AHDC1: variants seen among roughly 807,000 people sequenced by gnomAD.
The protein encoded by AHDC1 is AT-hook DNA binding motif containing 1, also known as transcription factor Gibbin.
AHDC1 carries 7 observed loss-of-function variants against 87.9 expected under a neutral mutation model. That is an observed-to-expected ratio of 0.08 (90% CI 0.05 to 0.15). AHDC1 has a LOEUF of 0.15. AHDC1 is among the 10% of genes least tolerant of loss of function. The probability of loss-of-function intolerance (pLI) is 1.00; values close to 1 mark genes in which losing one functional copy is unlikely to be tolerated. For synonymous variants in AHDC1, 1,051 were observed against 1,006.8 expected, an observed-to-expected ratio of 1.04 and a Z score of -0.83; for missense variants, 1,841 against 2,253.2, an observed-to-expected ratio of 0.82 and a Z score of 3.70.
Position 27,547,224 on chromosome 1 carries a change from A to G in AHDC1, c.*43+37T>C. The G allele has an allele frequency of 7.2e-7, 1 of 1,385,704 alleles. No individual in the cohort carries two copies. Among genetic ancestry groups the G allele is most frequent in the South Asian group, 1.4e-5 (1 of 70,864 alleles). The allele number at this position is 1,385,704 out of a possible 1,614,324, so 85.8% of individuals were successfully genotyped here. A position where few individuals can be genotyped will look rare whatever the true frequency, so the allele number is the denominator to read the frequency against. ...GCTCTGATGTCCTCTTCCCACCCCCAGGCCTCTGCCCACTGCGCCCACATC... is the reference window on the plus strand; with the variant it reads ...GCTCTGATGTCCTCTTCCCACCCCCGGGCCTCTGCCCACTGCGCCCACATC... On this transcript the variant is annotated intron_variant, in intron 8 of 8. Coordinates refer to ENST00000673934, the MANE Select transcript of AHDC1 (RefSeq NM_001371928.1). This position sits in a 1 kb window ranked among gnomAD's most constrained non-coding sequence, Gnocchi z 4.9.
In AHDC1 at chr1:27,598,042, CTG is replaced by C. The variant is rs570880628; in HGVS notation, c.-629+5353_-629+5354del. Among the ~76,000 whole-genome samples the C allele has an allele frequency of 5.2e-4, 79 of 152,312 alleles. No individual in the cohort carries two copies. Among genetic ancestry groups the C allele is most frequent in the African/African-American group, 1.8e-3 (74 of 41,560 alleles). ...TTTCACCACCCATCTGTCTGGCTGT[CTG>C]TGTTAGTCCTTCCAAGGGTGCCCAC... On this transcript the variant is annotated intron_variant, in intron 3 of 8. Coordinates refer to ENST00000673934, the MANE Select transcript of AHDC1 (RefSeq NM_001371928.1). The surrounding 1 kb of genome is among the most constrained non-coding windows in gnomAD (Gnocchi z 4.2).
chr1:27,549,352 G>A lies in AHDC1; in HGVS notation c.2764C>T (p.Pro922Ser). 7 of 1,612,650 alleles carry A rather than the reference G, an allele frequency of 4.3e-6. No individual in the cohort carries two copies. The highest frequency in any genetic ancestry group is 5.9e-6 in the Non-Finnish European group (7 of 1,179,444). The change falls in exon 8 of 9, where the codon CCA becomes TCA. Residue 922 changes from proline to serine, a missense_variant. Transcript: ENST00000673934. ...QPVLSARQTF[P>S]PGRAASYGLT... ...CCATAGCTTGCTGCTCGTCCTGGTGGGAAGGTCTGGCGCGCGGACAGGACA... is the reference window on the plus strand; with the variant it reads ...CCATAGCTTGCTGCTCGTCCTGGTGAGAAGGTCTGGCGCGCGGACAGGACA...
chr1:27,537,934 C>G, intron 8 of AHDC1, among the ~76,000 whole-genome samples: 1 of 152,128 alleles, frequency 6.6e-6, no homozygotes, highest in South Asian at 2.1e-4. Flanking sequence ...GGGGGCTGCT[C>G]TCCTCCAAAA....
At chr1:27,568,259 C>T (rs1288776830) in intron 3 of AHDC1, 1 of 152,196 alleles carries the variant, frequency 6.6e-6, no homozygotes, top group Non-Finnish European at 1.5e-5. Context: ...TGGTACTGCC[C>T]TTAACTACAG....
intron 3 of AHDC1, among the ~76,000 whole-genome samples, chr1:27,603,163 C>A (rs1012180293): frequency 3.4e-5 from 5 of 148,870 alleles, no homozygotes; most frequent in Admixed American, 6.6e-5. Flanking sequence ...CCCGCCCCCC[C>A]TCCCCGTCCA....
rs757910933 is a variant in AHDC1 at position 27,562,943 on chromosome 1, A to T, written c.-628-4060T>A. Among the ~76,000 whole-genome samples the T allele has an allele frequency of 5.3e-5, 8 of 152,134 alleles. No homozygotes were observed. Among genetic ancestry groups the T allele is most frequent in the Non-Finnish European group, 8.8e-5 (6 of 68,022 alleles). The stretch of plus-strand genomic sequence containing the variant: ...TGGTGACAACCCTCCTAACGGGATG[A>T]ACTAAGCACATAACCTGTCGCTTCC... On this transcript the variant is annotated intron_variant, in intron 3 of 8. Coordinates refer to ENST00000673934, the MANE Select transcript of AHDC1 (RefSeq NM_001371928.1). The surrounding 1 kb of genome is among the most constrained non-coding windows in gnomAD (Gnocchi z 4.4).
At chr1:27,571,979 C>T (rs928876221) in intron 3 of AHDC1, among the ~76,000 whole-genome samples, 15 of 152,146 alleles carry the variant, frequency 9.9e-5, no homozygotes, top group African/African-American at 3.4e-4. Flanking sequence ...CAGCCCACAC[C>T]GAAATCCCTC....
chr1:27,569,926 A>T (rs1247404237), intron 3 of AHDC1, among the ~76,000 whole-genome samples: 3 of 151,982 alleles, frequency 2.0e-5, no homozygotes, highest in African/African-American at 7.3e-5. Context: ...TGATGCCCTG[A>T]GTCTGGCTAG....
rs1402062307 is a variant in AHDC1, at chr1:27,551,019, T to C, written c.1097A>G (p.Asp366Gly). Reference sequence around the variant, plus strand: ...GGGGGGGCCGTGCGGTGAGCACAAGTCCAGGCGCAAGGGCTCGGCCAGTGG... The same window carrying C: ...GGGGGGGCCGTGCGGTGAGCACAAGCCCAGGCGCAAGGGCTCGGCCAGTGG... Reference protein sequence around the residue: ...HCPLAEPLRLDLCSPHGPPGP... With the variant: ...HCPLAEPLRLGLCSPHGPPGP... Residue 366 changes from aspartate (D) to glycine (G), a missense_variant, in exon 8 of 9, where the codon GAC becomes GGC. By Grantham distance (94) the Asp-to-Gly change is moderately conservative. Coordinates refer to ENST00000673934, the MANE Select transcript of AHDC1 (RefSeq NM_001371928.1). 4 of 1,564,064 alleles carry C rather than the reference T, an allele frequency of 2.6e-6. 1 individual carries two copies. In the South Asian group the frequency reaches 4.7e-5, roughly 18 times the overall value.
chr1:27,594,788 C>G (rs1015776981), intron 3 of AHDC1, among the ~76,000 whole-genome samples: 2 of 151,976 alleles, frequency 1.3e-5, no homozygotes, highest in African/African-American at 2.4e-5. Flanking sequence ...AATGTGCCAA[C>G]GGTGGGAGTG....
In AHDC1 at chr1:27,537,686, C is replaced by A. The variant is rs548777289; in HGVS notation, c.*44-2770G>T. On this transcript the variant is annotated intron_variant, in intron 8 of 8. Transcript: ENST00000673934. ...GCTGCACACCCAGGGCTAGCACGCA[C>A]CGGCCCCCAGCACACCAACCACTGT... Among the ~76,000 whole-genome samples, 20 of 152,346 alleles carry A rather than the reference C, an allele frequency of 1.3e-4. No individual in the cohort carries two copies. The South Asian group carries it at 3.9e-3, about 30-fold the overall frequency.
At chr1:27,594,713 G>A (rs1224742381) in intron 3 of AHDC1, among the ~76,000 whole-genome samples, 1 of 152,210 alleles carries the variant, frequency 6.6e-6, no homozygotes, top group East Asian at 1.9e-4. Flanking sequence ...GCACACAAGA[G>A]TGAGCAATGT....
intron 8 of AHDC1, among the ~76,000 whole-genome samples, chr1:27,542,127 G>A (rs1380096500): frequency 2.0e-5 from 3 of 152,206 alleles, no homozygotes; most frequent in Non-Finnish European, 2.9e-5. Context: ...GGCAGCAAAG[G>A]TTATGCTGAC....
Position 27,549,758 on chromosome 1 carries a change from T to A in AHDC1, c.2358A>T (p.Gln786His). Residue 786 changes from glutamine (Q) to histidine (H), a missense_variant, in exon 8 of 9, where the codon CAA becomes CAT. This residue lies in a region of AHDC1 where 236 missense variants were observed against 257.9 expected (regional missense o/e 0.92). Transcript: ENST00000673934. ...CCTGAAACCCACAGTTTCGGCCAGCTTGTCCGCCTGGGTGCCCATGGTGAG... is the reference window on the plus strand; with the variant it reads ...CCTGAAACCCACAGTTTCGGCCAGCATGTCCGCCTGGGTGCCCATGGTGAG... ...WAPHHGHPGG[Q>H]AGRNCGFQGT... is the part of the protein sequence containing the mutation. 6.2e-7 allele frequency: 1 copy of A among 1,613,130 alleles called. No individual in the cohort carries two copies. The highest frequency in any genetic ancestry group is 8.5e-7 in the Non-Finnish European group (1 of 1,179,926).
At position 27,560,292 on chromosome 1, in the gene AHDC1, G is replaced by A. The variant is rs2020014899; in HGVS notation, c.-628-1409C>T. Among the ~76,000 whole-genome samples the A allele has an allele frequency of 6.6e-6, 1 of 152,068 alleles. No individual in the cohort carries two copies. The highest frequency in any genetic ancestry group is 2.4e-5 in the African/African-American group (1 of 41,394). On this transcript the variant is annotated intron_variant, in intron 3 of 8. Transcript: ENST00000673934. The surrounding 1 kb of genome is among the most constrained non-coding windows in gnomAD (Gnocchi z 4.1). ...TGTGTGCCTGTGTGTAGCCAGGTGA[G>A]CCCAGCTGTGGCTGGGTGTGAGCAT...
intron 3 of AHDC1, among the ~76,000 whole-genome samples, chr1:27,588,766 CGT>C (rs760535764): frequency 1.8e-4 from 28 of 151,970 alleles, no homozygotes; most frequent in Non-Finnish European, 3.1e-4. Context: ...CAAACATGTA[CGT>C]GTGTGTTTGT....
At position 27,550,373 on chromosome 1, in the gene AHDC1, C is replaced by T. The variant is rs752954106; in HGVS notation, c.1743G>A (p.Met581Ile). 1.9e-6 allele frequency: 3 copies of T among 1,613,660 alleles called. No homozygotes were observed. The highest frequency in any genetic ancestry group is 3.3e-5 in the Admixed American group (2 of 60,014). Residue 581 changes from methionine to isoleucine, a missense_variant, in exon 8 of 9, where the codon ATG becomes ATA. Physicochemically the swap from Met to Ile is conservative, Grantham distance 10. Transcript: ENST00000673934. Reference protein sequence around the residue: ...AATVAAATMAMPEVKKRRRRK... With the variant: ...AATVAAATMAIPEVKKRRRRK... ...GCCGCCGTCGTTTTTTTACCTCTGG[C>T]ATGGCCATGGTGGCCGCTGCCACAG...
In AHDC1 at chr1:27,548,310, C is replaced by T. The variant is rs111243403; in HGVS notation, c.3806G>A (p.Arg1269Gln). The change falls in exon 8 of 9, where the codon CGG (arginine) becomes CAG (glutamine). Residue 1269 changes from arginine to glutamine, a missense_variant. Arg to Gln is a conservative substitution (Grantham distance 43, BLOSUM62 1). Around this residue, in one of 13 missense-constraint regions of AHDC1, gnomAD observed 505 missense variants for 626.2 expected, o/e 0.81. Coordinates refer to ENST00000673934, the MANE Select transcript of AHDC1 (RefSeq NM_001371928.1). ...ACCGCCCCGTCCACCTCGCGGCTGC[C>T]GGGGCCCAGTGCTCCGTTTGGATGG... ...GYPSKRSTGP[R>Q]QPRGGRGGGA... The T allele has an allele frequency of 5.6e-6, 9 of 1,606,190 alleles. No individual in the cohort carries two copies. The highest frequency in any genetic ancestry group is 7.7e-6 in the Non-Finnish European group (9 of 1,175,174).
chr1:27,535,088 G>A (rs1347214761), intron 8 of AHDC1, among the ~76,000 whole-genome samples, 172 bp from the exon 9 acceptor site: 1 of 152,236 alleles, frequency 6.6e-6, no homozygotes, highest in Non-Finnish European at 1.5e-5. Context: ...TGCCTTCTCT[G>A]AGCCCAGTTT....
Sources: gnomAD v4.1 joint callset for allele counts (sites outside exome capture counted in the v4.1 genomes callset) on GRCh38, gnomAD v4.1.1 for gene constraint, gnomAD v4.1.1 regional missense constraint, Gnocchi (gnomAD v3.1) non-coding constraint, MANE v1.5 for transcripts, NCBI Gene and HGNC (gene_info 2026-07-23, HGNC 2026-07-21) for gene names.